The following CNTNAP3B variants were observed in gnomAD, a reference collection of about 807,000 sequenced individuals.
CNTNAP3B encodes the protein contactin-associated protein-like 3B.
CNTNAP3B carries 25 observed loss-of-function variants against 108.9 expected under a neutral mutation model. The observed-to-expected ratio is 0.23, with a 90% CI of 0.17 to 0.32. CNTNAP3B has a LOEUF of 0.32. CNTNAP3B is among the 10% of genes least tolerant of loss of function. The pLI, the probability that CNTNAP3B is intolerant of heterozygous loss-of-function variation, is 1.00. For missense variants in CNTNAP3B, 252 were observed against 1,210.4 expected (o/e 0.21, Z 11.75); for synonymous variants, 103 against 473.4 (o/e 0.22, Z 10.16).
intron 4 of CNTNAP3B, among the ~76,000 whole-genome samples, chr9:42,001,315 G>A (rs1826000534): frequency 8.6e-6 from 1 of 116,918 alleles, no homozygotes; most frequent in South Asian, 3.0e-4. Context: ...TTGGAAGGGG[G>A]AGGTGGGAGG....
In CNTNAP3B at chr9:42,115,417, A is replaced by C. The variant is rs1210079930; in HGVS notation, c.86-10678T>G. Among the ~76,000 whole-genome samples the C allele has an allele frequency of 2.2e-5, 3 of 137,926 alleles. 1 individual carries two copies. Among genetic ancestry groups the C allele is most frequent in the Non-Finnish European group, 4.6e-5 (3 of 64,550 alleles). 90.5% of individuals were successfully genotyped at this position (137,926 alleles called of 152,430 possible). A position where few individuals can be genotyped will look rare whatever the true frequency, so the allele number is the denominator to read the frequency against. On this transcript the variant is annotated intron_variant, in intron 1 of 23. Coordinates refer to ENST00000377561, the MANE Select transcript of CNTNAP3B (RefSeq NM_001201380.3). ...CTGAGAATGGAAAGACTGCCTCCTT[A>C]AGTGGGTCCCTGACCCCTGCGTAGC...
At position 42,095,320 on chromosome 9, in the gene CNTNAP3B, T is replaced by C. The variant is rs1403831004; in HGVS notation, c.196+9309A>G. ...TTCACTTAACATAATGTCCTCCAGG[T>C]TCATCCATGTTATCACAAGTGTCAG... is the stretch of plus-strand genomic sequence containing the variant. On this transcript the variant is annotated intron_variant, in intron 2 of 23. Coordinates refer to ENST00000377561, the MANE Select transcript of CNTNAP3B (RefSeq NM_001201380.3). Among the ~76,000 whole-genome samples, 3 of 138,058 alleles carry C rather than the reference T, an allele frequency of 2.2e-5. 1 individual carries two copies. Among genetic ancestry groups the C allele is most frequent in the Non-Finnish European group, 4.6e-5 (3 of 64,826 alleles). 90.6% of individuals were successfully genotyped at this position (138,058 alleles called of 152,430 possible).
chr9:42,066,255 C>A lies in CNTNAP3B; in HGVS notation c.390+10614G>T, dbSNP rs377348922. 3.0e-5 allele frequency among the ~76,000 whole-genome samples: 4 copies of A among 133,482 alleles called. 1 individual carries two copies. The highest frequency in any genetic ancestry group is 2.3e-4 in the Admixed American group (3 of 13,320). The allele number at this position is 133,482 out of a possible 152,430, so 87.6% of individuals were successfully genotyped here. A position where few individuals can be genotyped will look rare whatever the true frequency, so the allele number is the denominator to read the frequency against. On this transcript the variant is annotated intron_variant, in intron 3 of 23. Transcript: ENST00000377561. ...CCTTTCTTTTCCCATGTAGCTTGTA[C>A]ATTTCTTACCCCTCTCCTGCCTGCC... is the stretch of plus-strand genomic sequence containing the variant.
At chr9:41,928,317 C>T (rs1316674297) in intron 15 of CNTNAP3B, among the ~76,000 whole-genome samples, 1 of 152,092 alleles carries the variant, frequency 6.6e-6, no homozygotes, top group East Asian at 1.9e-4. Flanking sequence ...CAGGGCAACA[C>T]AATCCATTGG....
At chr9:42,097,047 C>T (rs1359892850) in intron 2 of CNTNAP3B, among the ~76,000 whole-genome samples, 2 of 138,718 alleles carry the variant, frequency 1.4e-5, no homozygotes, top group Non-Finnish European at 3.1e-5. Flanking sequence ...CCACTGTGCC[C>T]GGTCCCGCAC....
At chr9:42,029,175 G>A (rs1826467518) in intron 3 of CNTNAP3B, among the ~76,000 whole-genome samples, 1 of 127,354 alleles carries the variant, frequency 7.9e-6, no homozygotes, top group Non-Finnish European at 1.7e-5. Flanking sequence ...ACCCCAGGGT[G>A]ACTAATTTTC....
At chr9:42,061,444 A>C (rs62553640) in intron 3 of CNTNAP3B, among the ~76,000 whole-genome samples, 1 of 130,970 alleles carries the variant, frequency 7.6e-6, no homozygotes, top group Non-Finnish European at 1.6e-5. Context: ...CAGCCTCCCG[A>C]GTAGCTGGGA....
chr9:42,117,387 G>C (rs558999172), intron 1 of CNTNAP3B, among the ~76,000 whole-genome samples: 1 of 132,668 alleles, frequency 7.5e-6, no homozygotes, highest in Non-Finnish European at 1.6e-5. Flanking sequence ...AAAACTGCTC[G>C]ACTACATGGA....
In CNTNAP3B at chr9:42,107,143, G is replaced by A. The variant is rs1265001529; in HGVS notation, c.86-2404C>T. ...GGCTGACATGTCTAACTCTCTCTGT[G>A]GAATCATGAGCTCTTGAAGGCACAA... On this transcript the variant is annotated intron_variant, in intron 1 of 23. Coordinates refer to ENST00000377561, the MANE Select transcript of CNTNAP3B (RefSeq NM_001201380.3). Among the ~76,000 whole-genome samples, 21 of 84,336 alleles carry A rather than the reference G, an allele frequency of 2.5e-4. 6 individuals are homozygous for A. Among genetic ancestry groups the A allele is most frequent in the African/African-American group, 9.7e-4 (21 of 21,758 alleles). The allele number at this position is 84,336 out of a possible 152,430, so 55.3% of individuals were successfully genotyped here.
intron 1 of CNTNAP3B, among the ~76,000 whole-genome samples, chr9:42,114,415 G>T (rs1167052839): frequency 7.9e-6 from 1 of 127,168 alleles, no homozygotes; most frequent in African/African-American, 3.3e-5. Flanking sequence ...CAAGGAAGGA[G>T]CCCTGTCAAT....
chr9:42,066,096 A>C (rs1161054364), intron 3 of CNTNAP3B, among the ~76,000 whole-genome samples: 1 of 133,394 alleles, frequency 7.5e-6, no homozygotes, highest in Non-Finnish European at 1.6e-5. Context: ...CATTCTTCAA[A>C]GTAAAATTTT....
At chr9:42,103,603 C>T (rs1307955302) in intron 2 of CNTNAP3B, among the ~76,000 whole-genome samples, 2 of 109,430 alleles carry the variant, frequency 1.8e-5, no homozygotes, top group South Asian at 2.9e-4. Context: ...GGCCTGGTGG[C>T]GGGTGCCTGT....
chr9:42,012,096 C>G lies in CNTNAP3B; in HGVS notation c.538+1282G>C, dbSNP rs1826141202. Among the ~76,000 whole-genome samples, 2 of 99,648 alleles carry G rather than the reference C, an allele frequency of 2.0e-5. 1 individual carries two copies. Among genetic ancestry groups the G allele is most frequent in the Non-Finnish European group, 4.3e-5 (2 of 46,632 alleles). The allele number at this position is 99,648 out of a possible 152,430, so 65.4% of individuals were successfully genotyped here. A position where few individuals can be genotyped will look rare whatever the true frequency, so the allele number is the denominator to read the frequency against. On this transcript the variant is annotated intron_variant, in intron 4 of 23. Coordinates refer to ENST00000377561, the MANE Select transcript of CNTNAP3B (RefSeq NM_001201380.3). ...CCAGCCCAAGGAACTGGAGTAATATCTCTTCATGAAGGAACATCAAGCTAA... is the reference window on the plus strand; with the variant it reads ...CCAGCCCAAGGAACTGGAGTAATATGTCTTCATGAAGGAACATCAAGCTAA...
chr9:41,966,921 C>G (rs1475698589), intron 10 of CNTNAP3B, among the ~76,000 whole-genome samples: 1 of 150,176 alleles, frequency 6.7e-6, no homozygotes, highest in Non-Finnish European at 1.5e-5. Flanking sequence ...GAGCCGAGAT[C>G]GTGCCACTGC....
intron 13 of CNTNAP3B, among the ~76,000 whole-genome samples, chr9:41,945,916 A>T (rs1824519187): frequency 2.6e-5 from 4 of 152,252 alleles, no homozygotes; most frequent in Admixed American, 2.6e-4. Flanking sequence ...AACACTAACC[A>T]AAAAGAAAGA....
intron 3 of CNTNAP3B, among the ~76,000 whole-genome samples, chr9:42,036,341 T>C (rs1432380732): frequency 7.1e-6 from 1 of 141,012 alleles, no homozygotes; most frequent in Non-Finnish European, 1.5e-5. Flanking sequence ...TTGAGTTCTT[T>C]AACATTATAT....
chr9:41,925,260 A>T (rs970950524), intron 15 of CNTNAP3B, among the ~76,000 whole-genome samples: 1 of 150,288 alleles, frequency 6.7e-6, no homozygotes, highest in East Asian at 1.9e-4. Context: ...AAGCTCTGTC[A>T]TTCCTTCCAC....
At chr9:41,919,641 A>G (rs1409250915) in intron 18 of CNTNAP3B, among the ~76,000 whole-genome samples, 1 of 152,294 alleles carries the variant, frequency 6.6e-6, no homozygotes, top group Non-Finnish European at 1.5e-5. Context: ...ACAAGGGACA[A>G]TGGGTAAGAC....
At chr9:42,087,278 C>T (rs1250496639) in intron 2 of CNTNAP3B, among the ~76,000 whole-genome samples, 2 of 137,060 alleles carry the variant, frequency 1.5e-5, no homozygotes, top group Non-Finnish European at 3.1e-5. Context: ...GAGAGACAGT[C>T]CACTTTAAGC....
Sources: allele counts gnomAD v4.1 joint callset (sites outside exome capture counted in the v4.1 genomes callset), GRCh38; gene constraint gnomAD v4.1.1; transcripts MANE v1.5; gene names NCBI Gene and HGNC (gene_info 2026-07-23, HGNC 2026-07-21).